The following IFT56 variants were observed in gnomAD, a reference collection of about 807,000 sequenced individuals.
IFT56 encodes intraflagellar transport 56, also known as intraflagellar transport protein 56.
At chr7:139,180,065 C>T in the IFT56 span, among the ~76,000 whole-genome samples, 219 of 152,316 alleles carry the variant, frequency 1.4e-3, 1 homozygote, top group South Asian at 2.5e-3. Flanking sequence ...AGGCCGGGCG[C>T]GGTGGCTCAT....
chr7:139,162,480 T>G, the IFT56 span, among the ~76,000 whole-genome samples: 8 of 152,226 alleles, frequency 5.3e-5, no homozygotes, highest in African/African-American at 1.9e-4. Flanking sequence ...TGAACACATA[T>G]TACTTTTATT....
At chr7:139,168,483 C>A in the IFT56 span, 2 of 927,570 alleles carry the variant, frequency 2.2e-6, no homozygotes, top group South Asian at 1.3e-5. Flanking sequence ...GTGCAAGCAG[C>A]AATAGGCTCT....
the IFT56 span, among the ~76,000 whole-genome samples, chr7:139,177,428 T>C: frequency 6.6e-6 from 1 of 151,578 alleles, no homozygotes; most frequent in South Asian, 2.1e-4. Context: ...GACAGTCTGA[T>C]ATACTATGTA....
At chr7:139,184,917 G>A in the IFT56 span, among the ~76,000 whole-genome samples, 1 of 151,788 alleles carries the variant, frequency 6.6e-6, no homozygotes, top group African/African-American at 2.4e-5. Context: ...AGCCAGGCGT[G>A]GTGGCGGGCG....
the IFT56 span, among the ~76,000 whole-genome samples, chr7:139,170,146 C>T: frequency 6.6e-6 from 1 of 152,120 alleles, no homozygotes; most frequent in Admixed American, 6.5e-5. Flanking sequence ...ATACAACCAA[C>T]CAAGATTGAA....
the IFT56 span, among the ~76,000 whole-genome samples, chr7:139,144,056 G>A: frequency 1.3e-5 from 2 of 152,018 alleles, no homozygotes; most frequent in African/African-American, 4.8e-5. Flanking sequence ...GTTTTATGCA[G>A]TTAATATTCA....
the IFT56 span, among the ~76,000 whole-genome samples, chr7:139,138,857 C>A: frequency 2.7e-5 from 4 of 148,536 alleles, no homozygotes; most frequent in Non-Finnish European, 5.9e-5. Flanking sequence ...GTCACCCAGG[C>A]TGGAATGCAG....
the IFT56 span, among the ~76,000 whole-genome samples, chr7:139,183,931 A>G: frequency 6.6e-6 from 1 of 152,200 alleles, no homozygotes; most frequent in East Asian, 1.9e-4. Flanking sequence ...ATGGAATACT[A>G]CTCAGTAATA....
the IFT56 span, among the ~76,000 whole-genome samples, chr7:139,170,653 C>A: frequency 4.6e-5 from 7 of 152,218 alleles, no homozygotes; most frequent in Admixed American, 2.6e-4. Flanking sequence ...ATTCAACATC[C>A]CTTTATGATA....
the IFT56 span, among the ~76,000 whole-genome samples, chr7:139,180,511 AC>A: frequency 6.6e-6 from 1 of 152,102 alleles, no homozygotes; most frequent in Non-Finnish European, 1.5e-5. Context: ...GGAGTTAAAG[AC>A]CAGCCTGGCC....
At chr7:139,137,933 T>C in the IFT56 span, 1 of 1,608,734 alleles carries the variant, frequency 6.2e-7, no homozygotes, top group Non-Finnish European at 8.5e-7. Flanking sequence ...ACAAGAGAGC[T>C]CTGGAGGTTA....
chr7:139,172,948 G>T, the IFT56 span: 1 of 725,918 alleles, frequency 1.4e-6, no homozygotes, highest in South Asian at 1.4e-5. Flanking sequence ...ACTGGCGGAT[G>T]TGTCCTGCTG....
At chr7:139,178,779 G>C in the IFT56 span, among the ~76,000 whole-genome samples, 1 of 152,152 alleles carries the variant, frequency 6.6e-6, no homozygotes, top group Non-Finnish European at 1.5e-5. Flanking sequence ...CCAGCTACTT[G>C]GGAGGCTGAG....
chr7:139,180,038 G>A, the IFT56 span, among the ~76,000 whole-genome samples: 7 of 152,168 alleles, frequency 4.6e-5, no homozygotes, highest in Non-Finnish European at 7.3e-5. Flanking sequence ...TAATTTTTTG[G>A]TATATTATAG....
the IFT56 span, chr7:139,169,366 C>G: frequency 1.2e-6 from 2 of 1,612,340 alleles, no homozygotes; most frequent in Admixed American, 1.7e-5. Flanking sequence ...TGTCTGAAAT[C>G]TGTACTTATG....
At chr7:139,161,729 C>T in the IFT56 span, among the ~76,000 whole-genome samples, 2 of 152,186 alleles carry the variant, frequency 1.3e-5, no homozygotes, top group Admixed American at 6.5e-5. Flanking sequence ...TCTTTATCTC[C>T]AATCTCTATT....
chr7:139,187,659 G>GA, the IFT56 span: 3 of 1,282,122 alleles, frequency 2.3e-6, no homozygotes, highest in Admixed American at 2.4e-5. Context: ...TTAGAATGAT[G>GA]AAAAAAAGGT....
At chr7:139,173,028 C>T in the IFT56 span, 5 of 730,110 alleles carry the variant, frequency 6.8e-6, no homozygotes, top group Non-Finnish European at 1.3e-5. Flanking sequence ...GGCTCAGGGA[C>T]CACCTCAGAG....
chr7:139,182,264 G>A, the IFT56 span, among the ~76,000 whole-genome samples: 9 of 152,110 alleles, frequency 5.9e-5, no homozygotes, highest in African/African-American at 2.2e-4. Context: ...CAGGTAAAGA[G>A]AAACTCGTAT....
Sources: gnomAD v4.1 joint callset for allele counts (sites outside exome capture counted in the v4.1 genomes callset) on GRCh38, gnomAD v4.1.1 for gene constraint, MANE v1.5 for transcripts, NCBI Gene and HGNC (gene_info 2026-07-23, HGNC 2026-07-21) for gene names.